Variants in RIC1 observed in about 807,000 individuals in gnomAD.
RIC1 encodes RIC1 partner of RAB6A GEF complex, also known as guanine nucleotide exchange factor subunit RIC1.
A neutral mutation model predicts 169.0 loss-of-function variants in RIC1; 88 were observed. That is an observed-to-expected ratio of 0.52 (90% CI 0.44 to 0.62). The LOEUF (loss-of-function observed/expected upper bound fraction) is 0.62. Ranked by LOEUF, RIC1 falls within the 20% of genes least tolerant of loss-of-function variation. The pLI, the probability that RIC1 is intolerant of heterozygous loss-of-function variation, is 0.00. For missense variants in RIC1, 1,877 were observed against 1,725.5 expected (o/e 1.09, Z -1.56); for synonymous variants, 790 against 601.5 (o/e 1.31, Z -4.59).
chr9:5,646,246 TG>T (rs1169759696), intron 1 of RIC1, among the ~76,000 whole-genome samples: 1 of 152,212 alleles, frequency 6.6e-6, no homozygotes, highest in Non-Finnish European at 1.5e-5. Context: ...TGAAGTTCTT[TG>T]CCCATTGTTT....
chr9:5,751,526 T>C (rs1014836838), intron 12 of RIC1, among the ~76,000 whole-genome samples: 13 of 151,742 alleles, frequency 8.6e-5, no homozygotes, highest in Non-Finnish European at 1.3e-4. Context: ...TGGCTAATTT[T>C]TGTATTTTTA....
chr9:5,702,320 G>A (rs1586977245), intron 3 of RIC1, among the ~76,000 whole-genome samples: 1 of 152,092 alleles, frequency 6.6e-6, no homozygotes, highest in African/African-American at 2.4e-5. Flanking sequence ...AAACACCTAA[G>A]ACTGGGTAAT....
In RIC1 at chr9:5,719,789, G is replaced by C. The variant is rs36072234; in HGVS notation, c.441-393G>C. 8.0e-3 allele frequency among the ~76,000 whole-genome samples: 1,216 copies of C among 152,270 alleles called. 17 individuals carry two copies. The highest frequency in any genetic ancestry group is 0.027 in the African/African-American group (1,115 of 41,556). On this transcript the variant is annotated intron_variant, in intron 4 of 25. Transcript: ENST00000414202. ...TTATTCAAAGTTTTATTGGACAAGT[G>C]CCAGAGCATTGTTACCTCTACACTT...
intron 2 of RIC1, among the ~76,000 whole-genome samples, chr9:5,686,330 A>G (rs1586947376): frequency 2.0e-5 from 3 of 152,244 alleles, no homozygotes; most frequent in South Asian, 2.1e-4. Context: ...ATGCACACGT[A>G]TGTTTATTGT....
intron 3 of RIC1, among the ~76,000 whole-genome samples, chr9:5,706,083 C>A (rs529204801): frequency 6.6e-6 from 1 of 152,094 alleles, no homozygotes; most frequent in African/African-American, 2.4e-5. Context: ...CATCTATATT[C>A]ATAAGGTATA....
rs1399846486 is a variant in RIC1, at chr9:5,763,088, A to T, written c.2113-52A>T. ...GTAAACTAGTACCTAGGAACTTAAG[A>T]ACCTGCAGATTTAATAGGAAAACAA... On this transcript the variant is annotated intron_variant, in intron 18 of 25. Coordinates refer to ENST00000414202, the MANE Select transcript of RIC1 (RefSeq NM_020829.4). This position sits in a 1 kb window ranked among gnomAD's most constrained non-coding sequence, Gnocchi z 5.2. The T allele has an allele frequency of 2.5e-6, 4 of 1,574,356 alleles. No individual in the cohort carries two copies. Among genetic ancestry groups the T allele is most frequent in the African/African-American group, 1.4e-5 (1 of 73,506 alleles).
intron 2 of RIC1, among the ~76,000 whole-genome samples, chr9:5,687,659 A>G (rs548261741): frequency 7.2e-5 from 11 of 152,184 alleles, no homozygotes; most frequent in East Asian, 1.9e-4. Context: ...GTTTTGTTCT[A>G]TTGGGATCAG....
At chr9:5,740,416 A>C (rs72693736) in intron 8 of RIC1, among the ~76,000 whole-genome samples, 2,998 of 152,122 alleles carry the variant, frequency 0.02, 36 homozygotes, top group Non-Finnish European at 0.025. Flanking sequence ...TGGTACCAAT[A>C]TCTGTATTAG....
At chr9:5,737,892 G>A (rs1235999507) in intron 7 of RIC1, among the ~76,000 whole-genome samples, 1 of 151,996 alleles carries the variant, frequency 6.6e-6, no homozygotes, top group Non-Finnish European at 1.5e-5. Flanking sequence ...TTGATTAAGT[G>A]GAAGTGGATC....
At position 5,690,036 on chromosome 9, in the gene RIC1, C is replaced by G; in HGVS notation, c.330C>G (p.Pro110=). 6.3e-7 allele frequency: 1 copy of G among 1,577,852 alleles called. No individual in the cohort carries two copies. Among genetic ancestry groups the G allele is most frequent in the Non-Finnish European group, 8.6e-7 (1 of 1,163,926 alleles). Residue 110 remains proline, a splice_region_variant and synonymous_variant, in exon 3 of 26, where the codon CCC becomes CCG. Coordinates refer to ENST00000414202, the MANE Select transcript of RIC1 (RefSeq NM_020829.4). ...GDKYLYEPVY[P]KGSPQMKGTP... is the part of the protein sequence containing the mutation. ...AGTACCTTTATGAACCAGTGTATCC[C>G]AAGTAAGTTTGTTGCCTTTCATTCT...
At chr9:5,733,550 A>C (rs1298069164) in intron 7 of RIC1, among the ~76,000 whole-genome samples, 1 of 152,112 alleles carries the variant, frequency 6.6e-6, no homozygotes, top group Non-Finnish European at 1.5e-5. Flanking sequence ...GGCGTGAGCC[A>C]CCGTGCCCGG....
In RIC1 at chr9:5,747,411, A is replaced by C. The variant is rs371940142; in HGVS notation, c.1358A>C (p.Lys453Thr). 6.2e-7 allele frequency: 1 copy of C among 1,614,104 alleles called. No homozygotes were observed. The highest frequency in any genetic ancestry group is 2.2e-5 in the East Asian group (1 of 44,876). Residue 453 changes from lysine (K) to threonine (T), a missense_variant, in exon 12 of 26, where the codon AAG becomes ACG. Lys to Thr is a moderately conservative substitution (Grantham distance 78). Transcript: ENST00000414202. ...AGTTCTTCAACACACTCTGAGCATA[A>C]GCCCAGTCGAGAAAAGAGCCCATTT... ...PRSSSTHSEH[K>T]PSREKSPFAD...
intron 3 of RIC1, among the ~76,000 whole-genome samples, chr9:5,702,210 G>T (rs1822262948): frequency 6.6e-6 from 1 of 152,196 alleles, no homozygotes; most frequent in African/African-American, 2.4e-5. Flanking sequence ...TTTAGAAAGG[G>T]AATATACTTT....
At chr9:5,713,330 A>G (rs1823046925) in intron 3 of RIC1, 1 of 152,438 alleles carries the variant, frequency 6.6e-6, no homozygotes, top group South Asian at 2.1e-4. Context: ...CCAGCACTCT[A>G]CTGCAGCTAT....
rs1177918163 is a variant in RIC1, at chr9:5,706,456, A to G, written c.333-7440A>G. ...ACAGAGCAAGACTCTGTCTCAAAAAAAAGGAATGAATTAGAAAGTGTTCCC... is the reference window on the plus strand; with the variant it reads ...ACAGAGCAAGACTCTGTCTCAAAAAGAAGGAATGAATTAGAAAGTGTTCCC... On this transcript the variant is annotated intron_variant, in intron 3 of 25. Transcript: ENST00000414202. Among the ~76,000 whole-genome samples, 4 of 152,168 alleles carry G rather than the reference A, an allele frequency of 2.6e-5. No individual in the cohort carries two copies. In the East Asian group the frequency reaches 7.7e-4, roughly 29 times the overall value.
intron 1 of RIC1, among the ~76,000 whole-genome samples, chr9:5,645,291 A>G (rs951628827): frequency 3.9e-5 from 6 of 152,296 alleles, no homozygotes; most frequent in Non-Finnish European, 7.4e-5. Flanking sequence ...TCGTCAGGCT[A>G]TCCTCCGAAA....
intron 3 of RIC1, among the ~76,000 whole-genome samples, chr9:5,696,929 T>A (rs1821938998): frequency 6.6e-6 from 1 of 152,220 alleles, no homozygotes; most frequent in Non-Finnish European, 1.5e-5. Context: ...ATTTAACTGT[T>A]AAGCTAGCTT....
At chr9:5,651,524 T>G (rs1818799037) in intron 1 of RIC1, among the ~76,000 whole-genome samples, 1 of 151,722 alleles carries the variant, frequency 6.6e-6, no homozygotes, top group African/African-American at 2.4e-5. Flanking sequence ...TCCAGTAGTT[T>G]CATAGTTTTG....
chr9:5,735,117 C>G (rs1439039925), intron 7 of RIC1, among the ~76,000 whole-genome samples: 2 of 152,030 alleles, frequency 1.3e-5, no homozygotes, highest in African/African-American at 4.8e-5. Flanking sequence ...AGTCCTTATG[C>G]CACTTATTTT....
Sources: allele counts gnomAD v4.1 joint callset (sites outside exome capture counted in the v4.1 genomes callset), GRCh38; gene constraint gnomAD v4.1.1; non-coding constraint Gnocchi (gnomAD v3.1); transcripts MANE v1.5; gene names NCBI Gene and HGNC (gene_info 2026-07-23, HGNC 2026-07-21).